TYW2: variants seen among roughly 807,000 people sequenced by gnomAD.
TYW2 encodes the protein tRNA wybutosine-synthesizing protein 2, also known as tRNA wybutosine-synthesizing protein 2 homolog.
chr8:124,451,913 C>T, the TYW2 span: 3 of 1,614,194 alleles, frequency 1.9e-6, no homozygotes, highest in South Asian at 2.2e-5. Context: ...AGGCAGGATG[C>T]TGGAGGCATT....
chr8:124,450,910 T>TG, the TYW2 span: 5 of 1,601,058 alleles, frequency 3.1e-6, no homozygotes, highest in East Asian at 4.5e-5. Context: ...TCTGAGGAGA[T>TG]GGAGTATCGC....
At chr8:124,450,935 A>G in the TYW2 span, 3 of 1,613,106 alleles carry the variant, frequency 1.9e-6, no homozygotes, top group Non-Finnish European at 1.7e-6. Flanking sequence ...GTGATGAGAG[A>G]GAATGTGGTT....
the TYW2 span, chr8:124,451,185 C>G: frequency 5.0e-6 from 8 of 1,614,156 alleles, no homozygotes; most frequent in Non-Finnish European, 6.8e-6. Flanking sequence ...CCTGTATGCT[C>G]ACGCAGCTCC....
At chr8:124,451,159 G>A in the TYW2 span, 1 of 1,614,182 alleles carries the variant, frequency 6.2e-7, no homozygotes, top group African/African-American at 1.3e-5. Context: ...GAGGAATCGT[G>A]TTGCCCCAGG....
At chr8:124,452,091 C>T in the TYW2 span, 1 of 1,614,204 alleles carries the variant, frequency 6.2e-7, no homozygotes, top group East Asian at 2.2e-5. Flanking sequence ...CACCAGCCAC[C>T]AAGCCAGAGT....
the TYW2 span, chr8:124,451,909 G>T: frequency 6.2e-7 from 1 of 1,614,190 alleles, no homozygotes; most frequent in Non-Finnish European, 8.5e-7. Flanking sequence ...GTTAAGGCAG[G>T]ATGCTGGAGG....
the TYW2 span, chr8:124,451,794 A>G: frequency 6.2e-7 from 1 of 1,614,194 alleles, no homozygotes; most frequent in African/African-American, 1.3e-5. Flanking sequence ...GGTGCCAAAT[A>G]CACTTTGGAG....
the TYW2 span, chr8:124,451,337 A>G: frequency 1.2e-6 from 2 of 1,614,152 alleles, no homozygotes; most frequent in Non-Finnish European, 1.7e-6. Context: ...TGGCAACGGC[A>G]TGGTAATCTC....
At chr8:124,452,430 A>G in the TYW2 span, 1 of 700,912 alleles carries the variant, frequency 1.4e-6, no homozygotes, top group Non-Finnish European at 2.3e-6. Context: ...AAATTATTTC[A>G]TTTGTCTTTC....
At chr8:124,451,266 C>T in the TYW2 span, 5 of 1,614,122 alleles carry the variant, frequency 3.1e-6, no homozygotes, top group Admixed American at 3.3e-5. Context: ...AGGTGAGTCG[C>T]TGGGTGGAGG....
chr8:124,452,827 G>A, the TYW2 span: 1 of 167,320 alleles, frequency 6.0e-6, no homozygotes, highest in East Asian at 1.9e-4. Flanking sequence ...GAGGTAGATT[G>A]ATATGATAAA....
At chr8:124,452,034 C>T in the TYW2 span, 2 of 1,614,204 alleles carry the variant, frequency 1.2e-6, no homozygotes, top group Middle Eastern at 3.3e-4. Flanking sequence ...TTACCACCAA[C>T]CAATGGAAAA....
the TYW2 span, chr8:124,451,933 C>G: frequency 6.2e-7 from 1 of 1,614,080 alleles, no homozygotes; most frequent in Non-Finnish European, 8.5e-7. Flanking sequence ...TTTGCATATC[C>G]ACCAAAATGT....
chr8:124,450,850 G>A, the TYW2 span: 5 of 1,511,054 alleles, frequency 3.3e-6, no homozygotes, highest in East Asian at 2.3e-5. Flanking sequence ...CGGGTGAGCT[G>A]CAGGCTACCT....
chr8:124,450,831 CG>C, the TYW2 span: 1 of 1,427,704 alleles, frequency 7.0e-7, no homozygotes, highest in African/African-American at 1.4e-5. Flanking sequence ...TTTCCGGCAC[CG>C]GCATGGCCGG....
chr8:124,453,021 TA>T, the TYW2 span: 3 of 159,780 alleles, frequency 1.9e-5, no homozygotes, highest in Admixed American at 1.4e-4. Context: ...TTTGTTGTGG[TA>T]GAAATATGGT....
chr8:124,451,708 G>T, the TYW2 span: 1 of 1,614,162 alleles, frequency 6.2e-7, no homozygotes, highest in South Asian at 1.1e-5. Flanking sequence ...TGCTGCCTTC[G>T]TCCATGCTTG....
chr8:124,452,101 T>C, the TYW2 span: 1 of 1,614,028 alleles, frequency 6.2e-7, no homozygotes, highest in Non-Finnish European at 8.5e-7. Flanking sequence ...CAAGCCAGAG[T>C]GGCAAAGGTG....
the TYW2 span, chr8:124,451,366 T>G: frequency 1.9e-6 from 3 of 1,614,136 alleles, no homozygotes; most frequent in South Asian, 3.3e-5. Context: ...GAGTGAAGAC[T>G]GTTTCCAAGC....
Sources: gnomAD v4.1 joint callset for allele counts on GRCh38, gnomAD v4.1.1 for gene constraint, MANE v1.5 for transcripts, NCBI Gene and HGNC (gene_info 2026-07-23, HGNC 2026-07-21) for gene names.